Variants in ZNF410 observed in about 807,000 individuals in gnomAD.
ZNF410 encodes the protein another partner for ARF 1.
ZNF410 carries 18 observed loss-of-function variants against 54.8 expected under a neutral mutation model. The observed-to-expected ratio is 0.33, with a 90% CI of 0.23 to 0.49. The LOEUF is 0.49. ZNF410 is among the 20% of genes least tolerant of loss of function. The probability of loss-of-function intolerance (pLI) is 0.99; values close to 1 mark genes in which losing one functional copy is unlikely to be tolerated. For missense variants in ZNF410, 405 were observed against 569.6 expected (o/e 0.71, Z 2.94); for synonymous variants, 191 against 207.3 (o/e 0.92, Z 0.68).
chr14:73,931,397 C>A (rs2055912410), intron 11 of ZNF410, 106 bp from the exon 12 acceptor site: 1 of 939,182 alleles, frequency 1.1e-6, no homozygotes. Context: ...TTCATTCACC[C>A]CTGTAGTGCA....
In ZNF410 at chr14:73,894,372, G is replaced by A. The variant is rs148053441; in HGVS notation, c.169+440G>A. 2.5e-4 allele frequency: 176 copies of A among 702,488 alleles called. No homozygotes were observed. In the African/African-American group the frequency reaches 2.7e-3, roughly 11 times the overall value. The allele number at this position is 702,488 out of a possible 1,614,324, so 43.5% of individuals were successfully genotyped here. On this transcript the variant is annotated intron_variant, in intron 3 of 11. Transcript: ENST00000555044. Reference sequence around the variant, plus strand: ...TGACTTTGGCAGAACCTGTTCCATGGAGAGAAGAGGATGGAAAGTCAGGCT... The same window carrying A: ...TGACTTTGGCAGAACCTGTTCCATGAAGAGAAGAGGATGGAAAGTCAGGCT...
chr14:73,893,621 G>A (rs867934197), intron 2 of ZNF410, 176 bp from the exon 3 acceptor site: 6 of 644,054 alleles, frequency 9.3e-6, no homozygotes, highest in Admixed American at 3.8e-5. Flanking sequence ...ATATAAATCA[G>A]CTGTTCTCTA....
chr14:73,908,847 T>TG (rs138788635), intron 7 of ZNF410, among the ~76,000 whole-genome samples: 187 of 151,002 alleles, frequency 1.2e-3, no homozygotes, highest in Non-Finnish European at 2.3e-3. Flanking sequence ...TTTGTTTGTT[T>TG]TTTTGTTTGA....
At chr14:73,901,667 A>C (rs1307390134) in intron 5 of ZNF410, among the ~76,000 whole-genome samples, 2 of 151,906 alleles carry the variant, frequency 1.3e-5, no homozygotes, top group Admixed American at 6.6e-5. Flanking sequence ...GCAGTGGCTC[A>C]TGCCTGTAAT....
At position 73,905,094 on chromosome 14, in the gene ZNF410, CACCAACATTCCTTTGGGCAG is replaced by C. The variant is rs749637911; in HGVS notation, c.913+12_913+31del. On this transcript the variant is annotated intron_variant, in intron 7 of 11. Transcript: ENST00000555044. The stretch of plus-strand genomic sequence containing the variant: ...GGCGCATCCACACAGGTGTGTGCAG[CACCAACATTCCTTTGGGCAG>C]TCTGCTCCTTGGCTCTGCATGTTTG... 1 of 1,609,808 alleles carries C rather than the reference CACCAACATTCCTTTGGGCAG, an allele frequency of 6.2e-7. No homozygotes were observed. Among genetic ancestry groups the C allele is most frequent in the African/African-American group, 1.3e-5 (1 of 74,758 alleles).
At chr14:73,909,553 CTCA>C (rs778448980) in intron 8 of ZNF410, 123 bp downstream of exon 8, 45 of 732,140 alleles carry the variant, frequency 6.1e-5, no homozygotes, top group Non-Finnish European at 9.4e-5. Flanking sequence ...TAGAAAGCTT[CTCA>C]TCATCATGAC....
intron 3 of ZNF410, among the ~76,000 whole-genome samples, chr14:73,894,780 G>A (rs2055288093): frequency 6.6e-6 from 1 of 152,162 alleles, no homozygotes; most frequent in Non-Finnish European, 1.5e-5. Context: ...AAAAGAGAAG[G>A]CGGTAAGATA....
At chr14:73,925,099 G>A (rs1014722350) in intron 11 of ZNF410, among the ~76,000 whole-genome samples, 5 of 152,038 alleles carry the variant, frequency 3.3e-5, no homozygotes, top group Non-Finnish European at 7.4e-5. Context: ...AGGATTACAG[G>A]GTTCTGGGCA....
At chr14:73,891,151 A>G (rs1001836412) in intron 1 of ZNF410, among the ~76,000 whole-genome samples, 1 of 152,064 alleles carries the variant, frequency 6.6e-6, no homozygotes, top group African/African-American at 2.4e-5. Flanking sequence ...CCTTTTAGAA[A>G]TATTGGAAAA....
intron 2 of ZNF410, among the ~76,000 whole-genome samples, chr14:73,892,516 A>G (rs1010497916): frequency 1.3e-5 from 2 of 151,854 alleles, no homozygotes; most frequent in African/African-American, 4.8e-5. Context: ...CATGTGATGT[A>G]TAGGTGTATA....
chr14:73,909,497 G>A (rs1303264708), intron 8 of ZNF410, 67 bp downstream of exon 8: 4 of 1,314,834 alleles, frequency 3.0e-6, no homozygotes, highest in East Asian at 4.6e-5. Flanking sequence ...GGTTGTGGGG[G>A]TGATATAAAG....
At chr14:73,900,762 C>T (rs1346957225) in intron 5 of ZNF410, among the ~76,000 whole-genome samples, 2 of 147,944 alleles carry the variant, frequency 1.4e-5, no homozygotes, top group African/African-American at 2.5e-5. Context: ...CCTGTGGGCA[C>T]GTGTGGCCCA....
intron 8 of ZNF410, among the ~76,000 whole-genome samples, chr14:73,919,759 G>GT (rs1220502195): frequency 6.6e-6 from 1 of 152,226 alleles, no homozygotes; most frequent in African/African-American, 2.4e-5. Flanking sequence ...GTGAGGGCAA[G>GT]TGTCTTTTTG....
At chr14:73,906,379 AACTG>A (rs1222787111) in intron 7 of ZNF410, 2 of 152,144 alleles carry the variant, frequency 1.3e-5, no homozygotes, top group Non-Finnish European at 2.9e-5. Flanking sequence ...CTTGATCTGT[AACTG>A]ACTGTGAACA....
intron 8 of ZNF410, among the ~76,000 whole-genome samples, chr14:73,919,449 C>T (rs1037937329): frequency 3.4e-4 from 51 of 152,086 alleles, no homozygotes; most frequent in Admixed American, 2.2e-3. Context: ...GCCCCGTAGC[C>T]GCTTTTGGAA....
intron 11 of ZNF410, 69 bp downstream of exon 11, chr14:73,923,591 C>A: frequency 6.5e-7 from 1 of 1,531,804 alleles, no homozygotes; most frequent in Non-Finnish European, 8.8e-7. Context: ...TTTAGAGGAC[C>A]TGAAAAAGTC....
At chr14:73,909,609 G>GGA in intron 8 of ZNF410, 179 bp downstream of exon 8, 2 of 480,600 alleles carry the variant, frequency 4.2e-6, no homozygotes, top group Admixed American at 3.9e-5. Context: ...ATCAAGGTTG[G>GGA]GGGGGGGACA....
intron 7 of ZNF410, 162 bp downstream of exon 7, chr14:73,905,245 A>G (rs2055463420): frequency 2.8e-6 from 2 of 702,062 alleles, no homozygotes; most frequent in Non-Finnish European, 2.3e-6. Flanking sequence ...TGCACTTATA[A>G]TAACATTTAT....
At chr14:73,912,141 A>G (rs2140313285) in intron 8 of ZNF410, among the ~76,000 whole-genome samples, 1 of 148,650 alleles carries the variant, frequency 6.7e-6, no homozygotes, top group South Asian at 2.1e-4. Flanking sequence ...TCCCTGTATT[A>G]TAAGGTTCCC....
Sources: allele counts gnomAD v4.1 joint callset (sites outside exome capture counted in the v4.1 genomes callset), GRCh38; gene constraint gnomAD v4.1.1; transcripts MANE v1.5; gene names NCBI Gene and HGNC (gene_info 2026-07-23, HGNC 2026-07-21).